TGFBR3: variants seen among roughly 807,000 people sequenced by gnomAD.
TGFBR3 encodes transforming growth factor beta receptor 3, also known as transforming growth factor beta receptor type 3.
Under a neutral mutation model 87.9 loss-of-function variants are expected in TGFBR3, and 46 were observed. The observed-to-expected ratio is 0.52, with a 90% CI of 0.41 to 0.67. The LOEUF (loss-of-function observed/expected upper bound fraction) is 0.67, where lower values mean the gene tolerates loss of function less well. Among genes scored for constraint, TGFBR3 ranks in the 30% least tolerant of loss-of-function variants. TGFBR3 has a pLI of 0.00. For missense variants in TGFBR3, 866 were observed against 1,041.9 expected (o/e 0.83, Z 2.32); for synonymous variants, 381 against 391.6 (o/e 0.97, Z 0.32).
At chr1:91,691,754 C>T (rs376766015) in intron 16 of TGFBR3, among the ~76,000 whole-genome samples, 101 of 152,230 alleles carry the variant, frequency 6.6e-4, no homozygotes, top group African/African-American at 2.4e-3. Flanking sequence ...CAGACAGGAG[C>T]AGGTCAGAGG....
At chr1:91,716,108 C>G in intron 12 of TGFBR3, 128 bp downstream of exon 12, 1 of 1,155,496 alleles carries the variant, frequency 8.7e-7, no homozygotes. Flanking sequence ...GAGCCAATCC[C>G]TCATCAGACC....
chr1:91,802,287 T>C (rs1207044563), intron 2 of TGFBR3, among the ~76,000 whole-genome samples: 1 of 152,090 alleles, frequency 6.6e-6, no homozygotes, highest in African/African-American at 2.4e-5. Flanking sequence ...CTCAAACACA[T>C]CCATGGGTTC....
chr1:91,738,752 C>T (rs1673048263), intron 4 of TGFBR3, among the ~76,000 whole-genome samples: 1 of 152,184 alleles, frequency 6.6e-6, no homozygotes, highest in Non-Finnish European at 1.5e-5. Context: ...ATGCTTTAAA[C>T]ATAGAGCCAA....
At position 91,733,460 on chromosome 1, in the gene TGFBR3, C is replaced by T. The variant is rs181986693; in HGVS notation, c.568+1316G>A. Among the ~76,000 whole-genome samples the T allele has an allele frequency of 3.7e-4, 57 of 152,324 alleles. 1 individual carries two copies. The highest frequency in any genetic ancestry group is 3.2e-4 in the Non-Finnish European group (22 of 68,040). ...TGGCTTCTGCACGTAGCATCCTCTC[C>T]GACGTCCACGTCCACCTTTCCTGCC... On this transcript the variant is annotated intron_variant, in intron 5 of 16. Coordinates refer to ENST00000212355, the MANE Select transcript of TGFBR3 (RefSeq NM_003243.5).
chr1:91,699,889 AG>A (rs1441052343), intron 14 of TGFBR3, among the ~76,000 whole-genome samples: 1 of 152,248 alleles, frequency 6.6e-6, no homozygotes, highest in African/African-American at 2.4e-5. Context: ...AGTGAGGCTG[AG>A]ACCAGCGGTT....
In TGFBR3 at chr1:91,810,075, C is replaced by T. The variant is rs139273776; in HGVS notation, c.62-12604G>A. On this transcript the variant is annotated intron_variant, in intron 2 of 16. Transcript: ENST00000212355. The stretch of plus-strand genomic sequence containing the variant: ...CCACAGTTTTTTGGGGGTAAGTGGA[C>T]GGGGACAAGGTCTGGCTTTGTTGCC... 2.9e-3 allele frequency among the ~76,000 whole-genome samples: 438 copies of T among 152,134 alleles called. 3 individuals carry two copies. Among genetic ancestry groups the T allele is most frequent in the African/African-American group, 9.9e-3 (410 of 41,522 alleles).
chr1:91,719,122 C>A (rs567376968), intron 10 of TGFBR3, among the ~76,000 whole-genome samples, 190 bp downstream of exon 10: 7 of 152,146 alleles, frequency 4.6e-5, no homozygotes, highest in Admixed American at 6.5e-5. Flanking sequence ...CAAAGACTCA[C>A]CAATAAAACA....
chr1:91,712,717 A>G (rs560605040), intron 12 of TGFBR3, among the ~76,000 whole-genome samples, 175 bp from the exon 13 acceptor site: 8 of 152,366 alleles, frequency 5.3e-5, no homozygotes, highest in Admixed American at 1.3e-4. Context: ...AAAGAAAAAG[A>G]TATTTTCCAC....
chr1:91,755,647 C>T (rs1342354660), intron 4 of TGFBR3, among the ~76,000 whole-genome samples: 1 of 152,178 alleles, frequency 6.6e-6, no homozygotes, highest in Admixed American at 6.5e-5. Flanking sequence ...CGGCCACCTT[C>T]TTTCATTGTT....
chr1:91,716,755 A>C, intron 10 of TGFBR3, 47 bp from the exon 11 acceptor site: 2 of 1,608,250 alleles, frequency 1.2e-6, no homozygotes, highest in Non-Finnish European at 8.5e-7. Flanking sequence ...ACACCAAACC[A>C]TGTGTGTTTG....
At chr1:91,850,449 A>T in intron 2 of TGFBR3, among the ~76,000 whole-genome samples, 1 of 152,168 alleles carries the variant, frequency 6.6e-6, no homozygotes, top group East Asian at 1.9e-4. Flanking sequence ...ATCACAGGAA[A>T]ATGCTGTAGC....
intron 1 of TGFBR3, among the ~76,000 whole-genome samples, chr1:91,874,877 A>C (rs1355425219): frequency 6.6e-6 from 1 of 152,204 alleles, no homozygotes; most frequent in Non-Finnish European, 1.5e-5. Flanking sequence ...ACTAGGCTGC[A>C]GAGGGGCAAG....
chr1:91,797,502 C>G (rs768907958), intron 2 of TGFBR3, 31 bp from the exon 3 acceptor site: 1 of 1,613,906 alleles, frequency 6.2e-7, no homozygotes, highest in Non-Finnish European at 8.5e-7. Flanking sequence ...ACAAGCCACT[C>G]AGAAACAGCA....
At chr1:91,754,771 G>A (rs921269598) in intron 4 of TGFBR3, among the ~76,000 whole-genome samples, 1 of 152,098 alleles carries the variant, frequency 6.6e-6, no homozygotes, top group East Asian at 1.9e-4. Flanking sequence ...AACTAATTAT[G>A]AAAGTTTTCC....
intron 3 of TGFBR3, among the ~76,000 whole-genome samples, chr1:91,793,663 G>A (rs1675270978): frequency 2.0e-5 from 3 of 151,914 alleles, no homozygotes; most frequent in South Asian, 2.1e-4. Context: ...AAAATTAGCC[G>A]GGCACGGTGG....
chr1:91,760,099 T>C (rs1456137927), intron 3 of TGFBR3, among the ~76,000 whole-genome samples: 11 of 152,250 alleles, frequency 7.2e-5, no homozygotes, highest in Admixed American at 3.3e-4. Context: ...GTCAAAATAA[T>C]GTTTTAATTC....
intron 2 of TGFBR3, among the ~76,000 whole-genome samples, chr1:91,838,282 T>C (rs1293180711): frequency 6.6e-6 from 1 of 152,182 alleles, no homozygotes; most frequent in Non-Finnish European, 1.5e-5. Flanking sequence ...TATAAGTCTA[T>C]TAACATTTTC....
At chr1:91,810,939 A>G (rs555465154) in intron 2 of TGFBR3, among the ~76,000 whole-genome samples, 1 of 152,364 alleles carries the variant, frequency 6.6e-6, no homozygotes, top group South Asian at 2.1e-4. Context: ...ACATCATTTG[A>G]GTGCCAAACC....
At chr1:91,804,819 C>A (rs1031694126) in intron 2 of TGFBR3, among the ~76,000 whole-genome samples, 17 of 152,300 alleles carry the variant, frequency 1.1e-4, no homozygotes, top group African/African-American at 3.9e-4. Context: ...CCTGTGGCCA[C>A]GGCTGAAAAC....
Sources: gnomAD v4.1 joint callset for allele counts (sites outside exome capture counted in the v4.1 genomes callset) on GRCh38, gnomAD v4.1.1 for gene constraint, MANE v1.5 for transcripts, NCBI Gene and HGNC (gene_info 2026-07-23, HGNC 2026-07-21) for gene names.